Variants in CRYL1 observed in about 807,000 individuals in gnomAD.
CRYL1 encodes the protein lambda-crystallin homolog.
A neutral mutation model predicts 36.6 loss-of-function variants in CRYL1; 29 were observed. The ratio of observed to expected loss-of-function variants is 0.79; its 90% CI spans 0.59 to 1.08. The LOEUF (loss-of-function observed/expected upper bound fraction) is 1.08, where lower values mean the gene tolerates loss of function less well. CRYL1 is among the 50% of genes least tolerant of loss of function. The pLI, the probability that CRYL1 is intolerant of heterozygous loss-of-function variation, is 0.00. For missense variants in CRYL1, 411 were observed against 407.9 expected, an observed-to-expected ratio of 1.01 and a Z score of -0.06; for synonymous variants, 152 against 151.5, an observed-to-expected ratio of 1.00 and a Z score of -0.02.
intron 3 of CRYL1, among the ~76,000 whole-genome samples, chr13:20,482,777 G>A (rs2033305537): frequency 6.6e-6 from 1 of 152,074 alleles, no homozygotes; most frequent in Non-Finnish European, 1.5e-5. Flanking sequence ...GTGTGCGCAC[G>A]CACACACGCG....
chr13:20,431,584 AGAG>A, intron 5 of CRYL1: 1 of 1,013,714 alleles, frequency 9.9e-7, no homozygotes, highest in Non-Finnish European at 1.2e-6. Context: ...TCCTTTCATT[AGAG>A]GATGATGTTA....
chr13:20,430,438 C>T (rs965251382), intron 5 of CRYL1: 18 of 985,152 alleles, frequency 1.8e-5, no homozygotes, highest in South Asian at 4.7e-5. Context: ...AGAATGTTCC[C>T]GCTAGCCAGT....
chr13:20,460,591 T>A (rs1197616320), intron 3 of CRYL1, among the ~76,000 whole-genome samples: 1 of 131,208 alleles, frequency 7.6e-6, no homozygotes, highest in African/African-American at 2.8e-5. Flanking sequence ...AGTGGCGCTA[T>A]CTCGGCTCAC....
At chr13:20,498,045 AACTACACACACACCCTATACAC>A (rs1168734802) in intron 2 of CRYL1, among the ~76,000 whole-genome samples, 1 of 150,866 alleles carries the variant, frequency 6.6e-6, no homozygotes, top group Non-Finnish European at 1.5e-5. Flanking sequence ...CTACACACAC[AACTACACACACACCCTATACAC>A]ACTACACACA....
At chr13:20,426,555 G>GCGGCCCAGGCCCTAAGGACAGCAGTCC in intron 5 of CRYL1, 1 of 297,890 alleles carries the variant, frequency 3.4e-6, no homozygotes, top group Non-Finnish European at 5.0e-6. Flanking sequence ...TATCTATTGT[G>GCGGCCCAGGCCCTAAGGACAGCAGTCC]AGCTTGCGGT....
At chr13:20,461,245 G>A (rs2032811975) in intron 3 of CRYL1, among the ~76,000 whole-genome samples, 1 of 152,030 alleles carries the variant, frequency 6.6e-6, no homozygotes, top group Non-Finnish European at 1.5e-5. Context: ...CATTTTTCTT[G>A]GTCTGCTGCT....
chr13:20,460,675 G>A (rs942257028), intron 3 of CRYL1, among the ~76,000 whole-genome samples: 52 of 151,914 alleles, frequency 3.4e-4, no homozygotes, highest in Non-Finnish European at 5.2e-4. Context: ...ACAGGCGCCC[G>A]CCACTACGCC....
intron 2 of CRYL1, among the ~76,000 whole-genome samples, chr13:20,504,111 G>A (rs2033751190): frequency 6.6e-6 from 1 of 152,020 alleles, no homozygotes; most frequent in Non-Finnish European, 1.5e-5. Context: ...TCCTGGAGTT[G>A]GGGTGGTCAC....
intron 2 of CRYL1, among the ~76,000 whole-genome samples, chr13:20,503,034 C>T (rs1474428983): frequency 9.9e-5 from 15 of 152,188 alleles, no homozygotes; most frequent in Admixed American, 7.2e-4. Flanking sequence ...TCAGAATATG[C>T]AGCAAGATCA....
Position 20,420,701 on chromosome 13 carries a change from T to TTTTTTTTTTTTTTTTTTTG in CRYL1, c.634-7315_634-7314insCAAAAAAAAAAAAAAAAAA. On this transcript the variant is annotated intron_variant, in intron 5 of 7. Coordinates refer to ENST00000298248, the MANE Select transcript of CRYL1 (RefSeq NM_015974.3). ...CTTTGACTTTTCTTTAAAATAGAGG[T>TTTTTTTTTTTTTTTTTTTG]TGTGTGTGTGTGTGTGTGTGTGTGT... 3.3e-3 allele frequency among the ~76,000 whole-genome samples: 72 copies of TTTTTTTTTTTTTTTTTTTG among 21,864 alleles called. 12 individuals are homozygous for TTTTTTTTTTTTTTTTTTTG. The highest frequency in any genetic ancestry group is 4.8e-3 in the Non-Finnish European group (35 of 7,316). 14.3% of individuals were successfully genotyped at this position (21,864 alleles called of 152,430 possible). A position where few individuals can be genotyped will look rare whatever the true frequency, so the allele number is the denominator to read the frequency against.
intron 3 of CRYL1, among the ~76,000 whole-genome samples, chr13:20,462,095 G>T (rs1461486555): frequency 6.9e-6 from 1 of 145,392 alleles, no homozygotes; most frequent in East Asian, 2.1e-4. Context: ...ACGGCCTGGT[G>T]AGAGGATGGG....
At position 20,512,552 on chromosome 13, in the gene CRYL1, T is replaced by C. The variant is rs538642945; in HGVS notation, c.42-2A>G. On this transcript the variant is annotated splice_acceptor_variant, in intron 1 of 7. Coordinates refer to ENST00000298248, the MANE Select transcript of CRYL1 (RefSeq NM_015974.3). LOFTEE classifies it high-confidence loss of function. ...GCCCAGCTTCGCCCAATGACTCCAC[T>C]GAAGGGAGATAAAAGAAAGGATTCG... The C allele has an allele frequency of 6.2e-7, 1 of 1,606,780 alleles. No homozygotes were observed. Among genetic ancestry groups the C allele is most frequent in the East Asian group, 2.2e-5 (1 of 44,834 alleles).
chr13:20,522,911 C>CTTTTTTTTTTTTTTTTTTTTTTTTT lies in CRYL1; in HGVS notation c.41+2842_41+2843insAAAAAAAAAAAAAAAAAAAAAAAAA, dbSNP rs386378385. Among the ~76,000 whole-genome samples, 3 of 82,960 alleles carry CTTTTTTTTTTTTTTTTTTTTTTTTT rather than the reference C, an allele frequency of 3.6e-5. 1 individual carries two copies. Among genetic ancestry groups the CTTTTTTTTTTTTTTTTTTTTTTTTT allele is most frequent in the African/African-American group, 1.4e-4 (3 of 22,162 alleles). The allele number at this position is 82,960 out of a possible 152,430, so 54.4% of individuals were successfully genotyped here. A position where few individuals can be genotyped will look rare whatever the true frequency, so the allele number is the denominator to read the frequency against. ...TTTATCTTCATGATACCCATTTCTACTTTTTTTTTTTTTTTTTTTTTTTTG... is the reference window on the plus strand; with the variant it reads ...TTTATCTTCATGATACCCATTTCTACTTTTTTTTTTTTTTTTTTTTTTTTTTTTTTTTTTTTTTTTTTTTTTTTTG... On this transcript the variant is annotated intron_variant, in intron 1 of 7. Coordinates refer to ENST00000298248, the MANE Select transcript of CRYL1 (RefSeq NM_015974.3).
intron 2 of CRYL1, among the ~76,000 whole-genome samples, chr13:20,503,106 A>G (rs1465542448): frequency 6.6e-6 from 1 of 152,232 alleles, no homozygotes; most frequent in Admixed American, 6.5e-5. Context: ...AATACTATGG[A>G]TATATAATTA....
At position 20,418,484 on chromosome 13, in the gene CRYL1, C is replaced by T. The variant is rs575018335; in HGVS notation, c.634-5097G>A. On this transcript the variant is annotated intron_variant, in intron 5 of 7. Coordinates refer to ENST00000298248, the MANE Select transcript of CRYL1 (RefSeq NM_015974.3). ...GCACACGATATTTGATGGATAAATC[C>T]TCCTCCGTGACTATCTCCTCTACTG... 8 of 152,302 alleles carry T rather than the reference C, an allele frequency of 5.3e-5. No homozygotes were observed. In the South Asian group the frequency reaches 1.2e-3, roughly 24 times the overall value. 9.4% of individuals were successfully genotyped at this position (152,302 alleles called of 1,614,324 possible). A position where few individuals can be genotyped will look rare whatever the true frequency, so the allele number is the denominator to read the frequency against.
intron 2 of CRYL1, among the ~76,000 whole-genome samples, chr13:20,508,976 G>A (rs1284685892): frequency 2.0e-5 from 3 of 151,092 alleles, no homozygotes; most frequent in Non-Finnish European, 4.4e-5. Context: ...TGAGGTGGGT[G>A]GATCACCTGA....
intron 3 of CRYL1, among the ~76,000 whole-genome samples, chr13:20,443,291 C>CAACATACATTTTCCAA (rs1474163043): frequency 6.6e-6 from 1 of 152,108 alleles, no homozygotes; most frequent in Admixed American, 6.5e-5. Context: ...CTTGCTTATG[C>CAACATACATTTTCCAA]AACATACATT....
intron 3 of CRYL1, among the ~76,000 whole-genome samples, chr13:20,456,971 C>T (rs548209152): frequency 1.3e-5 from 2 of 152,188 alleles, no homozygotes; most frequent in Non-Finnish European, 1.5e-5. Context: ...GAAGGGGCTT[C>T]CCTTCCTCTC....
chr13:20,503,302 G>T (rs937407682), intron 2 of CRYL1, among the ~76,000 whole-genome samples: 1 of 152,154 alleles, frequency 6.6e-6, no homozygotes, highest in Non-Finnish European at 1.5e-5. Flanking sequence ...ATGAACTTTG[G>T]GCAACAGACA....
Sources: allele counts gnomAD v4.1 joint callset (sites outside exome capture counted in the v4.1 genomes callset), GRCh38; gene constraint gnomAD v4.1.1; transcripts MANE v1.5; gene names NCBI Gene and HGNC (gene_info 2026-07-23, HGNC 2026-07-21).